Variants in AK3 observed in about 807,000 individuals in gnomAD.
AK3 encodes the protein GTP:AMP phosphotransferase AK3, mitochondrial.
AK3 carries 27 observed loss-of-function variants against 23.7 expected under a neutral mutation model. The ratio of observed to expected loss-of-function variants is 1.14; its 90% CI spans 0.84 to 1.57. AK3 has a LOEUF of 1.57. AK3 is among the 40% of genes most tolerant of loss of function. The pLI is 0.00. For missense variants in AK3, 406 were observed against 285.6 expected (o/e 1.42, Z -3.04); for synonymous variants, 159 against 116.0 (o/e 1.37, Z -2.38).
Position 4,740,950 on chromosome 9 carries a change from C to T in AK3, c.138G>A (p.Met46Ile), listed in dbSNP as rs1268523993. 3 of 1,572,642 alleles carry T rather than the reference C, an allele frequency of 1.9e-6. No individual in the cohort carries two copies. Among genetic ancestry groups the T allele is most frequent in the Non-Finnish European group, 2.6e-6 (3 of 1,161,832 alleles). Residue 46 changes from methionine to isoleucine, a missense_variant, in exon 1 of 5, where the codon ATG becomes ATA. Met to Ile is a conservative substitution (Grantham distance 10). Transcript: ENST00000381809. ...LSSGDLLRDN[M>I]LRGTEIGVLA... ...CAGAGCTCCCACCTGTGCCCCGCAG[C>T]ATGTTGTCCCGGAGCAGGTCCCCGC...
In AK3 at chr9:4,728,972, T is replaced by C. The variant is rs1271072908; in HGVS notation, c.152-6347A>G. 6.4e-5 allele frequency among the ~76,000 whole-genome samples: 8 copies of C among 125,582 alleles called. No individual in the cohort carries two copies. In the South Asian group the frequency reaches 7.7e-4, roughly 12 times the overall value. The allele number at this position is 125,582 out of a possible 152,430, so 82.4% of individuals were successfully genotyped here. ...ACATATATATACACATACATATATA[T>C]ACCTACATATATATACACACACACA... On this transcript the variant is annotated intron_variant, in intron 1 of 4. Coordinates refer to ENST00000381809, the MANE Select transcript of AK3 (RefSeq NM_016282.4).
At chr9:4,715,899 C>A (rs537995004) in intron 4 of AK3, among the ~76,000 whole-genome samples, 1 of 152,310 alleles carries the variant, frequency 6.6e-6, no homozygotes, top group South Asian at 2.1e-4. Context: ...TGTCCCCACT[C>A]CCCATCTTCA....
intron 1 of AK3, among the ~76,000 whole-genome samples, chr9:4,730,314 G>T (rs904094913): frequency 1.6e-4 from 25 of 152,042 alleles, no homozygotes; most frequent in African/African-American, 5.6e-4. Context: ...CTTTACAAGG[G>T]CTAATTGTAT....
intron 1 of AK3, among the ~76,000 whole-genome samples, chr9:4,728,760 C>T (rs1481023175): frequency 6.7e-6 from 1 of 149,186 alleles, no homozygotes; most frequent in Non-Finnish European, 1.5e-5. Flanking sequence ...CTTTGGGAGG[C>T]CAAGGAAGGA....
chr9:4,722,707 G>T, intron 1 of AK3, 82 bp from the exon 2 acceptor site: 3 of 1,578,182 alleles, frequency 1.9e-6, no homozygotes, highest in South Asian at 1.1e-5. Context: ...TGCCTAAAGG[G>T]GAAGTCTGAA....
At position 4,722,582 on chromosome 9, in the gene AK3, G is replaced by C; in HGVS notation, c.195C>G (p.Leu65=). ...GCCGAGTCATGACATCATCTGGGAT[G>C]AGTTTCCCTTGGTCAATGAAAGCCT... ...LAKAFIDQGK[L]IPDDVMTRLA... is the part of the protein sequence containing the mutation. The change falls in exon 2 of 5, where the codon CTC becomes CTG. Residue 65 remains leucine, a synonymous_variant. Transcript: ENST00000381809. 6.2e-7 allele frequency: 1 copy of C among 1,614,194 alleles called. No homozygotes were observed. The highest frequency in any genetic ancestry group is 8.5e-7 in the Non-Finnish European group (1 of 1,180,024).
At chr9:4,715,112 G>A (rs1299327485) in intron 4 of AK3, among the ~76,000 whole-genome samples, 5 of 151,364 alleles carry the variant, frequency 3.3e-5, no homozygotes, top group African/African-American at 1.2e-4. Flanking sequence ...CTAGCTACTG[G>A]GGAGGCTGAG....
rs373659669 is a variant in AK3 at position 4,735,342 on chromosome 9, T to C, written c.151+5595A>G. Reference sequence around the variant, plus strand: ...ATATATACATATATAAATATATATATACATATATAAATATATATATACATA... The same window carrying C: ...ATATATACATATATAAATATATATACACATATATAAATATATATATACATA... On this transcript the variant is annotated intron_variant, in intron 1 of 4. Coordinates refer to ENST00000381809, the MANE Select transcript of AK3 (RefSeq NM_016282.4). Among the ~76,000 whole-genome samples, 80 of 89,006 alleles carry C rather than the reference T, an allele frequency of 9.0e-4. 3 individuals carry two copies. Among genetic ancestry groups the C allele is most frequent in the African/African-American group, 1.7e-3 (34 of 20,078 alleles). 58.4% of individuals were successfully genotyped at this position (89,006 alleles called of 152,430 possible).
intron 1 of AK3, among the ~76,000 whole-genome samples, chr9:4,736,450 C>T (rs911320954): frequency 8.1e-6 from 1 of 124,064 alleles, no homozygotes; most frequent in Non-Finnish European, 1.7e-5. Flanking sequence ...TTGCCTATTA[C>T]AAATTAAATG....
At chr9:4,741,944 G>C (rs1479273595), upstream of AK3, 1 of 152,114 alleles carries the variant, frequency 6.6e-6, no homozygotes, top group Non-Finnish European at 1.5e-5. Context: ...AGAATCACAG[G>C]GAGTGACCTT....
chr9:4,734,938 T>G (rs1842235087), intron 1 of AK3, among the ~76,000 whole-genome samples: 1 of 152,078 alleles, frequency 6.6e-6, no homozygotes, highest in South Asian at 2.1e-4. Flanking sequence ...GTATGAAATG[T>G]CCAGTACAGA....
intron 1 of AK3, among the ~76,000 whole-genome samples, chr9:4,730,886 T>C (rs1192664529): frequency 6.6e-6 from 1 of 152,200 alleles, no homozygotes; most frequent in Non-Finnish European, 1.5e-5. Flanking sequence ...TATTTTTAAA[T>C]TGCAGTACTG....
At chr9:4,728,769 G>A (rs1444922057) in intron 1 of AK3, among the ~76,000 whole-genome samples, 1 of 150,004 alleles carries the variant, frequency 6.7e-6, no homozygotes, top group African/African-American at 2.5e-5. Context: ...GCCAAGGAAG[G>A]AGTTTCACTT....
At chr9:4,722,315 GCACTT>G (rs1841919220) in intron 2 of AK3, among the ~76,000 whole-genome samples, 186 bp downstream of exon 2, 1 of 152,192 alleles carries the variant, frequency 6.6e-6, no homozygotes, top group Admixed American at 6.5e-5. Context: ...TAGAAATCAT[GCACTT>G]CACTTCCCTC....
At chr9:4,740,227 C>G (rs1842396098) in intron 1 of AK3, among the ~76,000 whole-genome samples, 1 of 152,108 alleles carries the variant, frequency 6.6e-6, no homozygotes, top group Non-Finnish European at 1.5e-5. Flanking sequence ...AAAAACAACC[C>G]TCTTAAGAGA....
At chr9:4,721,044 G>T (rs1035475303) in intron 2 of AK3, among the ~76,000 whole-genome samples, 8 of 152,090 alleles carry the variant, frequency 5.3e-5, no homozygotes, top group African/African-American at 1.9e-4. Context: ...AAAGAAGCAA[G>T]ACTTTTCATT....
intron 1 of AK3, among the ~76,000 whole-genome samples, chr9:4,726,086 A>G (rs1354929725): frequency 1.3e-5 from 2 of 152,170 alleles, no homozygotes; most frequent in Non-Finnish European, 2.9e-5. Flanking sequence ...TACCTACCTT[A>G]ATTTAAAATA....
chr9:4,729,183 T>C (rs527701853), intron 1 of AK3, among the ~76,000 whole-genome samples: 1 of 151,884 alleles, frequency 6.6e-6, no homozygotes, highest in South Asian at 2.1e-4. Context: ...GCTAATTCTG[T>C]ATTTTTAGTA....
intron 1 of AK3, among the ~76,000 whole-genome samples, chr9:4,737,295 G>T (rs960657726): frequency 6.6e-6 from 1 of 152,028 alleles, no homozygotes; most frequent in East Asian, 1.9e-4. Flanking sequence ...TCTATCTCAT[G>T]AATCTCATCG....
Sources: gnomAD v4.1 joint callset for allele counts (sites outside exome capture counted in the v4.1 genomes callset) on GRCh38, gnomAD v4.1.1 for gene constraint, MANE v1.5 for transcripts, NCBI Gene and HGNC (gene_info 2026-07-23, HGNC 2026-07-21) for gene names.